The following NAT1 variants were observed in gnomAD, a reference collection of about 807,000 sequenced individuals.
NAT1 encodes N-acetyltransferase 1.
For missense variants in NAT1, 400 were observed against 339.2 expected (o/e 1.18, Z -1.41); for synonymous variants, 144 against 122.6 (o/e 1.17, Z -1.16).
intron 2 of NAT1, 109 bp from the exon 3 acceptor site, chr8:18,221,933 A>T (rs988024502): frequency 8.6e-7 from 1 of 1,161,936 alleles, no homozygotes; most frequent in Admixed American, 2.4e-5. Context: ...TAATTATTAT[A>T]CTTATAACCA....
chr8:18,211,449 C>T (rs1282297827), intron 1 of NAT1: 3 of 152,292 alleles, frequency 2.0e-5, no homozygotes, highest in Non-Finnish European at 2.9e-5. Flanking sequence ...CCACCTTCCT[C>T]CTCAAAAGGA....
rs1805432640 is a variant in NAT1 at position 18,222,500 on chromosome 8, T to C, written c.453T>C (p.Arg151=). 6.2e-7 allele frequency: 1 copy of C among 1,614,066 alleles called. No homozygotes were observed. The highest frequency in any genetic ancestry group is 1.1e-5 in the South Asian group (1 of 91,070). Residue 151 remains arginine (R), a synonymous_variant, in exon 3 of 3, where the codon CGT becomes CGC. Coordinates refer to ENST00000307719, the MANE Select transcript of NAT1 (RefSeq NM_000662.8). ...KDQPQVPCVF[R]LTEENGFWYL... ...AGCCTCAGGTGCCTTGTGTCTTCCG[T>C]TTGACGGAAGAGAATGGATTCTGGT...
intron 1 of NAT1, among the ~76,000 whole-genome samples, chr8:18,211,900 C>A (rs190126042): frequency 6.6e-6 from 1 of 152,148 alleles, no homozygotes; most frequent in Admixed American, 6.5e-5. Context: ...ATCATTAATG[C>A]CAGAAATCTA....
intron 1 of NAT1, chr8:18,212,435 A>G (rs1316578238): frequency 6.6e-6 from 1 of 152,208 alleles, no homozygotes; most frequent in Non-Finnish European, 1.5e-5. Flanking sequence ...GGTTCCCCCA[A>G]ACCAGACACC....
chr8:18,216,659 G>A (rs1804702172), intron 1 of NAT1, among the ~76,000 whole-genome samples: 2 of 152,176 alleles, frequency 1.3e-5, no homozygotes, highest in African/African-American at 4.8e-5. Context: ...CAGTCATGAG[G>A]GGTCTTGTTG....
At chr8:18,181,117 T>C (rs377102451) in intron 2 of NAT1, among the ~76,000 whole-genome samples, 13 of 152,308 alleles carry the variant, frequency 8.5e-5, no homozygotes, top group African/African-American at 2.9e-4. Flanking sequence ...AGAATATTAA[T>C]TTTTCCAATC....
intron 2 of NAT1, among the ~76,000 whole-genome samples, chr8:18,198,474 A>C (rs115589190): frequency 0.021 from 3,251 of 152,304 alleles, 112 homozygotes; most frequent in African/African-American, 0.073. Context: ...GGGAGTATCA[A>C]GAGCTCTCAG....
chr8:18,177,364 T>C (rs1276194821), intron 2 of NAT1, among the ~76,000 whole-genome samples: 1 of 152,126 alleles, frequency 6.6e-6, no homozygotes, highest in Non-Finnish European at 1.5e-5. Flanking sequence ...ATTTATATAG[T>C]TATATGAGCA....
chr8:18,220,069 T>C (rs2117416519), intron 2 of NAT1, among the ~76,000 whole-genome samples: 1 of 152,332 alleles, frequency 6.6e-6, no homozygotes, highest in Middle Eastern at 3.4e-3. Context: ...TTCTCTCTCT[T>C]CTTTACATAC....
intron 1 of NAT1, among the ~76,000 whole-genome samples, chr8:18,215,717 C>T (rs1460945688): frequency 6.6e-6 from 1 of 151,966 alleles, no homozygotes; most frequent in Non-Finnish European, 1.5e-5. Flanking sequence ...CCCAATCTCA[C>T]AGTATTTTGA....
intron 1 of NAT1, among the ~76,000 whole-genome samples, chr8:18,211,522 CT>C (rs1354430603): frequency 6.6e-6 from 1 of 152,230 alleles, no homozygotes; most frequent in Admixed American, 6.5e-5. Flanking sequence ...CTGGCCCTTG[CT>C]GTCTTCAGCA....
At chr8:18,211,837 A>C in intron 1 of NAT1, among the ~76,000 whole-genome samples, 1 of 152,052 alleles carries the variant, frequency 6.6e-6, no homozygotes, top group East Asian at 1.9e-4. Flanking sequence ...AGAAAAGAAA[A>C]GAAAAAACAC....
At chr8:18,198,585 A>G (rs952990558) in intron 2 of NAT1, among the ~76,000 whole-genome samples, 2 of 152,248 alleles carry the variant, frequency 1.3e-5, no homozygotes, top group African/African-American at 4.8e-5. Flanking sequence ...GCAAAGTTTT[A>G]AACTGTGCTC....
intron 2 of NAT1, among the ~76,000 whole-genome samples, chr8:18,186,150 A>C (rs1802724118): frequency 6.6e-6 from 1 of 152,136 alleles, no homozygotes; most frequent in South Asian, 2.1e-4. Context: ...TTTAAAAAAA[A>C]TCTATTCATA....
intron 2 of NAT1, among the ~76,000 whole-genome samples, chr8:18,185,664 ATTCT>A (rs895521725): frequency 1.3e-5 from 2 of 151,608 alleles, no homozygotes; most frequent in African/African-American, 4.8e-5. Context: ...CTTTTCATTC[ATTCT>A]TCTTTTAAAA....
intron 2 of NAT1, among the ~76,000 whole-genome samples, chr8:18,179,742 A>G (rs538361738): frequency 2.7e-5 from 3 of 113,194 alleles, no homozygotes; most frequent in African/African-American, 1.0e-4. Flanking sequence ...GGCCCTAGGG[A>G]TAGATCTACA....
chr8:18,174,082 G>A (rs980224026), intron 2 of NAT1, among the ~76,000 whole-genome samples: 4 of 152,162 alleles, frequency 2.6e-5, no homozygotes, highest in African/African-American at 7.2e-5. Flanking sequence ...GCTCACTGGC[G>A]CCCTAGGGTC....
At position 18,201,363 on chromosome 8, in the gene NAT1, A is replaced by G. The variant is rs1176775777; in HGVS notation, n.93-8418A>G. On this transcript the variant is annotated intron_variant and non_coding_transcript_variant, in intron 2 of 4. Transcript: ENST00000517441. ...AAAATGAGTACTATAATAAGTACTA[A>G]TTTTAGGCTGTTCATTCGGAAGGGA... Among the ~76,000 whole-genome samples the G allele has an allele frequency of 2.0e-5, 3 of 152,268 alleles. No homozygotes were observed. In the East Asian group the frequency reaches 5.8e-4, roughly 29 times the overall value.
At chr8:18,183,533 G>T (rs996738782) in intron 2 of NAT1, among the ~76,000 whole-genome samples, 1 of 152,158 alleles carries the variant, frequency 6.6e-6, no homozygotes, top group Admixed American at 6.6e-5. Flanking sequence ...CCCATGTAGT[G>T]TCTTAAAGGC....
Sources: gnomAD v4.1 joint callset for allele counts (sites outside exome capture counted in the v4.1 genomes callset) on GRCh38, gnomAD v4.1.1 for gene constraint, MANE v1.5 for transcripts, NCBI Gene and HGNC (gene_info 2026-07-23, HGNC 2026-07-21) for gene names.